The following PRKCE variants were observed in gnomAD, a reference collection of about 807,000 sequenced individuals.
PRKCE encodes protein kinase C epsilon type.
A neutral mutation model predicts 85.4 loss-of-function variants in PRKCE; 16 were observed. That is an observed-to-expected ratio of 0.19 (90% CI 0.13 to 0.28). The LOEUF (loss-of-function observed/expected upper bound fraction) is 0.28, where lower values mean the gene tolerates loss of function less well. Among genes scored for constraint, PRKCE ranks in the 10% least tolerant of loss-of-function variants. PRKCE has a pLI of 1.00. For missense variants in PRKCE, 573 were observed against 975.2 expected, an observed-to-expected ratio of 0.59 and a Z score of 5.49; for synonymous variants, 388 against 371.5, an observed-to-expected ratio of 1.04 and a Z score of -0.51.
intron 2 of PRKCE, among the ~76,000 whole-genome samples, chr2:45,958,806 ATATATATATATTTTTTTTTTTTTTTTT>A (rs1476441665): frequency 1.8e-4 from 4 of 22,518 alleles, no homozygotes; most frequent in African/African-American, 7.4e-4. Context: ...ATATATATAT[ATATATATATATTTTTTTTTTTTTTTTT>A]TTTTTTTTTT....
intron 10 of PRKCE, among the ~76,000 whole-genome samples, chr2:46,074,533 C>T (rs1431831034): frequency 6.6e-6 from 1 of 151,938 alleles, no homozygotes; most frequent in Non-Finnish European, 1.5e-5. Flanking sequence ...GATTGACCTA[C>T]CCCAGGACTG....
intron 11 of PRKCE, among the ~76,000 whole-genome samples, chr2:46,142,243 G>A (rs780951913): frequency 2.6e-5 from 4 of 152,092 alleles, no homozygotes; most frequent in Non-Finnish European, 5.9e-5. Context: ...AACCCTACTC[G>A]TGAACTGCTT....
intron 11 of PRKCE, among the ~76,000 whole-genome samples, chr2:46,123,848 C>A (rs1443184337): frequency 6.6e-6 from 1 of 152,118 alleles, no homozygotes; most frequent in East Asian, 1.9e-4. Context: ...GGATTTGTAC[C>A]ATTCCAACTG....
chr2:46,087,411 C>T (rs567607470), intron 11 of PRKCE, among the ~76,000 whole-genome samples: 2 of 152,178 alleles, frequency 1.3e-5, no homozygotes, highest in Non-Finnish European at 2.9e-5. Flanking sequence ...CAGGTCCTAA[C>T]CCTTGAATGT....
chr2:46,008,606 G>A (rs1280255632), intron 9 of PRKCE, among the ~76,000 whole-genome samples: 1 of 152,190 alleles, frequency 6.6e-6, no homozygotes, highest in African/African-American at 2.4e-5. Flanking sequence ...AGGTCAGTCA[G>A]CTGGCCCATC....
intron 6 of PRKCE, among the ~76,000 whole-genome samples, chr2:45,992,814 G>A (rs140046308): frequency 2.6e-5 from 4 of 152,164 alleles, no homozygotes; most frequent in Non-Finnish European, 4.4e-5. Context: ...TCCAAATGAC[G>A]GTAGGATGTG....
rs144651775 is a variant in PRKCE at position 45,969,932 on chromosome 2, T to C, written c.413-6497T>C. ...AAAGTTGCTGTCGTTGTAATGTGAT[T>C]CATCAGACCATTGGCCTAATAGTAG... On this transcript the variant is annotated intron_variant, in intron 2 of 14. Coordinates refer to ENST00000306156, the MANE Select transcript of PRKCE (RefSeq NM_005400.3). 3.2e-3 allele frequency among the ~76,000 whole-genome samples: 493 copies of C among 152,372 alleles called. 1 individual carries two copies. Among genetic ancestry groups the C allele is most frequent in the Non-Finnish European group, 5.6e-3 (382 of 68,040 alleles).
At chr2:45,692,334 T>C (rs910633168) in intron 1 of PRKCE, among the ~76,000 whole-genome samples, 4 of 152,140 alleles carry the variant, frequency 2.6e-5, no homozygotes, top group Non-Finnish European at 5.9e-5. Flanking sequence ...TTTTTTCTTG[T>C]CATTTCCACC....
At chr2:46,098,168 T>C (rs560317903) in intron 11 of PRKCE, among the ~76,000 whole-genome samples, 10 of 152,180 alleles carry the variant, frequency 6.6e-5, no homozygotes, top group Admixed American at 2.6e-4. Flanking sequence ...GTAGCTCATA[T>C]AGAACTGAGA....
intron 11 of PRKCE, among the ~76,000 whole-genome samples, chr2:46,111,525 A>G (rs1203189442): frequency 2.0e-5 from 3 of 152,208 alleles, no homozygotes; most frequent in African/African-American, 7.2e-5. Context: ...AGCCTTAGGC[A>G]TTCACTTACC....
chr2:45,806,474 G>T (rs770819770), intron 1 of PRKCE, among the ~76,000 whole-genome samples: 1 of 152,182 alleles, frequency 6.6e-6, no homozygotes, highest in Non-Finnish European at 1.5e-5. Flanking sequence ...TAAGTGCACA[G>T]ATCAGCGGCA....
chr2:45,945,749 TG>T (rs1054756700), intron 2 of PRKCE, among the ~76,000 whole-genome samples: 7 of 152,234 alleles, frequency 4.6e-5, no homozygotes, highest in Non-Finnish European at 8.8e-5. Context: ...GCTCCACTGG[TG>T]GGGGGCCAGA....
intron 11 of PRKCE, among the ~76,000 whole-genome samples, chr2:46,102,733 G>T (rs920207769): frequency 6.6e-6 from 1 of 152,134 alleles, no homozygotes; most frequent in Non-Finnish European, 1.5e-5. Context: ...TGCCAGCTGG[G>T]ATTTGTCTGA....
At chr2:46,029,738 C>A (rs537333225) in intron 10 of PRKCE, among the ~76,000 whole-genome samples, 2 of 150,888 alleles carry the variant, frequency 1.3e-5, no homozygotes, top group East Asian at 1.9e-4. Context: ...GACTCCTGAG[C>A]CTTAAAGTAA....
intron 11 of PRKCE, among the ~76,000 whole-genome samples, chr2:46,124,731 G>A (rs1265809098): frequency 6.6e-6 from 1 of 152,168 alleles, no homozygotes; most frequent in Admixed American, 6.5e-5. Context: ...TGAAGACTGG[G>A]CTCATTCCCA....
intron 14 of PRKCE, among the ~76,000 whole-genome samples, chr2:46,166,425 C>T (rs944761083): frequency 1.6e-4 from 24 of 152,224 alleles, no homozygotes; most frequent in African/African-American, 5.5e-4. Flanking sequence ...CAAGAGGCTA[C>T]AAGAGCCCTC....
At chr2:45,921,801 G>C (rs1450999496) in intron 2 of PRKCE, among the ~76,000 whole-genome samples, 1 of 152,190 alleles carries the variant, frequency 6.6e-6, no homozygotes, top group African/African-American at 2.4e-5. Flanking sequence ...CTGGTGTGAT[G>C]CCTGCTGTCA....
intron 14 of PRKCE, among the ~76,000 whole-genome samples, chr2:46,160,890 C>T (rs777259641): frequency 1.2e-4 from 19 of 152,132 alleles, no homozygotes; most frequent in African/African-American, 4.8e-5. Context: ...TGTCAGTGGA[C>T]GGGTGTGGTC....
chr2:45,830,682 A>C (rs1197886091), intron 1 of PRKCE, among the ~76,000 whole-genome samples: 2 of 56,480 alleles, frequency 3.5e-5, no homozygotes, highest in Non-Finnish European at 6.8e-5. Context: ...ATTTTAGAAT[A>C]CTAGGATAAA....
Sources: gnomAD v4.1 joint callset for allele counts (sites outside exome capture counted in the v4.1 genomes callset) on GRCh38, gnomAD v4.1.1 for gene constraint, MANE v1.5 for transcripts, NCBI Gene and HGNC (gene_info 2026-07-23, HGNC 2026-07-21) for gene names.